Variants in PLEKHH2 observed in about 807,000 individuals in gnomAD.
The protein encoded by PLEKHH2 is pleckstrin homology domain-containing family H member 2.
A neutral mutation model predicts 187.9 loss-of-function variants in PLEKHH2; 129 were observed. That is an observed-to-expected ratio of 0.69 (90% CI 0.59 to 0.79). The LOEUF is 0.79. PLEKHH2 is among the 30% of genes least tolerant of loss of function. PLEKHH2 has a pLI of 0.00. For missense variants in PLEKHH2, 2,076 were observed against 1,751.2 expected (o/e 1.19, Z -3.31); for synonymous variants, 686 against 605.6 (o/e 1.13, Z -1.95).
intron 2 of PLEKHH2, among the ~76,000 whole-genome samples, chr2:43,666,367 A>G (rs1574498613): frequency 6.6e-6 from 1 of 151,180 alleles, no homozygotes; most frequent in South Asian, 2.1e-4. Flanking sequence ...GCCTGCGCCC[A>G]CTGTCTGGCA....
At chr2:43,675,840 T>A (rs1456264744) in intron 2 of PLEKHH2, 4 of 1,613,898 alleles carry the variant, frequency 2.5e-6, no homozygotes, top group Non-Finnish European at 3.4e-6. Flanking sequence ...AGGGCTGGGA[T>A]GCATCCCTTG....
Position 43,671,602 on chromosome 2 carries a change from G to A in PLEKHH2, c.124-7261G>A, listed in dbSNP as rs147103186. Among the ~76,000 whole-genome samples, 193 of 152,264 alleles carry A rather than the reference G, an allele frequency of 1.3e-3. 3 individuals are homozygous for A. The East Asian group carries it at 0.031, about 25-fold the overall frequency. ...GATGTTAGTTATAGGTTTTTTTGTA[G>A]ATACCTTTTATTAGGTATCAGAAAT... On this transcript the variant is annotated intron_variant, in intron 2 of 29. Transcript: ENST00000282406.
intron 4 of PLEKHH2, among the ~76,000 whole-genome samples, chr2:43,694,009 G>C (rs1406136165): frequency 6.6e-6 from 1 of 152,052 alleles, no homozygotes; most frequent in East Asian, 1.9e-4. Context: ...ATGAGAGCTA[G>C]AATTTCACTA....
At chr2:43,740,107 G>A (rs1355134234) in intron 20 of PLEKHH2, among the ~76,000 whole-genome samples, 1 of 152,022 alleles carries the variant, frequency 6.6e-6, no homozygotes, top group Non-Finnish European at 1.5e-5. Flanking sequence ...TAGGAAACAA[G>A]GGCAAATAAG....
At chr2:43,676,156 G>T (rs1437881063) in intron 2 of PLEKHH2, 2 of 1,614,030 alleles carry the variant, frequency 1.2e-6, no homozygotes, top group Non-Finnish European at 1.7e-6. Flanking sequence ...CACTTTTGAA[G>T]TGTTTAAGAA....
At position 43,749,589 on chromosome 2, in the gene PLEKHH2, A is replaced by T. The variant is rs150675238; in HGVS notation, c.3653+3626A>T. 2.5e-3 allele frequency among the ~76,000 whole-genome samples: 378 copies of T among 152,354 alleles called. 2 individuals carry two copies. Among genetic ancestry groups the T allele is most frequent in the African/African-American group, 8.8e-3 (367 of 41,580 alleles). On this transcript the variant is annotated intron_variant, in intron 24 of 29. Coordinates refer to ENST00000282406, the MANE Select transcript of PLEKHH2 (RefSeq NM_172069.4). Reference sequence around the variant, plus strand: ...TTACCTTGTTTAAAAGTAAAACCTCATGACAATGTCTTTGACAGCAGGAAA... The same window carrying T: ...TTACCTTGTTTAAAAGTAAAACCTCTTGACAATGTCTTTGACAGCAGGAAA...
chr2:43,761,972 A>G (rs1672447247), intron 27 of PLEKHH2, among the ~76,000 whole-genome samples: 1 of 152,194 alleles, frequency 6.6e-6, no homozygotes, highest in Non-Finnish European at 1.5e-5. Flanking sequence ...CTTGTTGACT[A>G]TTAACGTCTT....
At chr2:43,639,132 T>C (rs1238968880) in intron 1 of PLEKHH2, among the ~76,000 whole-genome samples, 2 of 152,238 alleles carry the variant, frequency 1.3e-5, no homozygotes, top group Non-Finnish European at 2.9e-5. Context: ...TTTGAGCTAA[T>C]TGTGAAATTC....
chr2:43,708,123 T>G (rs1669753084), intron 11 of PLEKHH2, among the ~76,000 whole-genome samples: 2 of 152,198 alleles, frequency 1.3e-5, no homozygotes, highest in East Asian at 1.9e-4. Context: ...CTCTGGATAC[T>G]TCCAATCCCC....
intron 2 of PLEKHH2, among the ~76,000 whole-genome samples, chr2:43,654,576 TTTTTTTTAA>T (rs914644023): frequency 2.0e-5 from 3 of 151,142 alleles, no homozygotes; most frequent in African/African-American, 7.3e-5. Flanking sequence ...TTTTTTTTTT[TTTTTTTTAA>T]TGGCCAGCAT....
intron 2 of PLEKHH2, among the ~76,000 whole-genome samples, chr2:43,652,543 G>A (rs762603689): frequency 1.3e-5 from 2 of 152,134 alleles, no homozygotes; most frequent in Non-Finnish European, 2.9e-5. Flanking sequence ...TATTCTACAG[G>A]AGGAGATAGA....
chr2:43,644,504 A>G (rs1175113374), intron 1 of PLEKHH2, among the ~76,000 whole-genome samples, 167 bp from the exon 2 acceptor site: 4 of 152,148 alleles, frequency 2.6e-5, no homozygotes, highest in African/African-American at 9.7e-5. Context: ...AGTTCTCACC[A>G]GTTCTGGAAT....
At chr2:43,728,477 CAAAAA>C (rs1042037842) in intron 17 of PLEKHH2, among the ~76,000 whole-genome samples, 1 of 56,050 alleles carries the variant, frequency 1.8e-5, no homozygotes. Flanking sequence ...GACTCTGTCT[CAAAAA>C]AAAAAAAAAA....
At position 43,729,731 on chromosome 2, in the gene PLEKHH2, T is replaced by C. The variant is rs2104568231; in HGVS notation, c.2816T>C (p.Ile939Thr). Residue 939 changes from isoleucine (I) to threonine (T), a missense_variant, in exon 18 of 30, where the codon ATA becomes ACA. Physicochemically the swap from Ile to Thr is moderately conservative, Grantham distance 89. Coordinates refer to ENST00000282406, the MANE Select transcript of PLEKHH2 (RefSeq NM_172069.4). Reference protein sequence around the residue: ...FEQLVCKLLNIDGEPSSQIWR... With the variant: ...FEQLVCKLLNTDGEPSSQIWR... ...CAACTGGTTTGCAAATTGCTAAATA[T>C]AGACGGGGAGCCTTGTAAGTTCATA... 6.3e-7 allele frequency: 1 copy of C among 1,599,460 alleles called. No homozygotes were observed. Among genetic ancestry groups the C allele is most frequent in the Non-Finnish European group, 8.5e-7 (1 of 1,173,404 alleles).
At chr2:43,648,124 G>C (rs980171048) in intron 2 of PLEKHH2, among the ~76,000 whole-genome samples, 1 of 152,160 alleles carries the variant, frequency 6.6e-6, no homozygotes, top group Admixed American at 6.5e-5. Context: ...GCAGCTAATA[G>C]AGCGTCTGGC....
chr2:43,638,818 C>T (rs1194965200), intron 1 of PLEKHH2, among the ~76,000 whole-genome samples: 1 of 145,484 alleles, frequency 6.9e-6, no homozygotes, highest in East Asian at 1.9e-4. Flanking sequence ...TACTTGTTAA[C>T]TAACTGAAAT....
At chr2:43,708,097 C>T (rs1669751155) in intron 11 of PLEKHH2, among the ~76,000 whole-genome samples, 1 of 152,170 alleles carries the variant, frequency 6.6e-6, no homozygotes, top group South Asian at 2.1e-4. Context: ...GGCTTTCAAA[C>T]TGTGTTCCAT....
chr2:43,734,292 A>C (rs1037370884), intron 19 of PLEKHH2, among the ~76,000 whole-genome samples: 7 of 152,304 alleles, frequency 4.6e-5, no homozygotes, highest in African/African-American at 1.7e-4. Flanking sequence ...CTCTTTGTTA[A>C]ATAAGTATTG....
Position 43,678,908 on chromosome 2 carries a change from GA to G in PLEKHH2, c.174del (p.Ala59LeufsTer12). ...AGTTATTGATGCTGAACGTCAAGCAGAAAAAGCTTTTCAACAGGTAGAGTAT... is the reference window on the plus strand; with the variant it reads ...AGTTATTGATGCTGAACGTCAAGCAGAAAAGCTTTTCAACAGGTAGAGTAT... ...RQVIDAERQAEKAFQQVQVME... is the reference protein window; with the variant it reads ...RQVIDAERQAXKAFQQVQVME... On this transcript the variant is annotated frameshift_variant, in exon 3 of 30. Coordinates refer to ENST00000282406, the MANE Select transcript of PLEKHH2 (RefSeq NM_172069.4). LOFTEE classifies it high-confidence loss of function. 1.9e-6 allele frequency: 3 copies of G among 1,609,088 alleles called. No individual in the cohort carries two copies. Among genetic ancestry groups the G allele is most frequent in the Non-Finnish European group, 2.5e-6 (3 of 1,176,756 alleles).
Sources: allele counts gnomAD v4.1 joint callset (sites outside exome capture counted in the v4.1 genomes callset), GRCh38; gene constraint gnomAD v4.1.1; transcripts MANE v1.5; gene names NCBI Gene and HGNC (gene_info 2026-07-23, HGNC 2026-07-21).